ARMH3: variants seen among roughly 807,000 people sequenced by gnomAD.
ARMH3 encodes the protein armadillo like helical domain containing 3.
Under a neutral mutation model 99.1 loss-of-function variants are expected in ARMH3, and 60 were observed. That is an observed-to-expected ratio of 0.61 (90% CI 0.49 to 0.75). ARMH3 has a LOEUF of 0.75. ARMH3 is among the 30% of genes least tolerant of loss of function. The pLI is 0.00. For synonymous variants in ARMH3, 285 were observed against 292.8 expected (o/e 0.97, Z 0.27); for missense variants, 679 against 843.1 (o/e 0.81, Z 2.41).
intron 20 of ARMH3, among the ~76,000 whole-genome samples, chr10:101,962,420 CTCTA>C (rs1224681142): frequency 2.0e-5 from 3 of 150,716 alleles, no homozygotes; most frequent in Non-Finnish European, 3.0e-5. Flanking sequence ...TTTTTTTACC[CTCTA>C]TCTGATACCT....
intron 23 of ARMH3, among the ~76,000 whole-genome samples, chr10:101,908,717 G>A (rs1340122895): frequency 6.7e-6 from 1 of 148,446 alleles, no homozygotes; most frequent in African/African-American, 2.5e-5. Context: ...AGGCTGGAGT[G>A]CAATGGCGCA....
chr10:101,994,561 G>A (rs1029860007), intron 16 of ARMH3, among the ~76,000 whole-genome samples: 2 of 152,170 alleles, frequency 1.3e-5, no homozygotes, highest in African/African-American at 4.8e-5. Context: ...TACATGGTGA[G>A]TTTGAACCTA....
At position 101,939,863 on chromosome 10, in the gene ARMH3, C is replaced by T. The variant is rs529046019; in HGVS notation, c.1781G>A (p.Arg594Lys). The T allele has an allele frequency of 6.2e-7, 1 of 1,613,064 alleles. No homozygotes were observed. Among genetic ancestry groups the T allele is most frequent in the East Asian group, 2.2e-5 (1 of 44,876 alleles). ...SKVTHALVNI[R>K]AIINHFNPKI... Reference sequence around the variant, plus strand: ...GCAAGAGATACTTCTCATTCCTTACCTGATATTAACCAATGCATGGGTCAC... The same window carrying T: ...GCAAGAGATACTTCTCATTCCTTACTTGATATTAACCAATGCATGGGTCAC... Residue 594 changes from arginine (R) to lysine (K), a missense_variant and splice_region_variant, in exon 23 of 26, where the codon AGA becomes AAA. Around this residue, in one of 3 missense-constraint regions of ARMH3, gnomAD observed 389 missense variants for 456.5 expected, o/e 0.85. Coordinates refer to ENST00000370033, the MANE Select transcript of ARMH3 (RefSeq NM_024541.3).
At position 101,910,558 on chromosome 10, in the gene ARMH3, C is replaced by T. The variant is rs551704363; in HGVS notation, c.1782-21068G>A. On this transcript the variant is annotated intron_variant, in intron 23 of 25. Transcript: ENST00000370033. The stretch of plus-strand genomic sequence containing the variant: ...CAGCCTGGCCAACATGGCAAAACAT[C>T]GTCTCTACTAAAAACCCAAAAATTA... 9.2e-5 allele frequency among the ~76,000 whole-genome samples: 14 copies of T among 151,688 alleles called. No homozygotes were observed. The East Asian group carries it at 2.3e-3, about 25-fold the overall frequency.
At chr10:101,944,022 C>T (rs2135733937) in intron 22 of ARMH3, among the ~76,000 whole-genome samples, 1 of 148,132 alleles carries the variant, frequency 6.8e-6, no homozygotes, top group Admixed American at 6.7e-5. Context: ...CGAGATCCTG[C>T]CACTGCACTC....
At chr10:101,927,374 G>C (rs1843551008) in intron 23 of ARMH3, among the ~76,000 whole-genome samples, 1 of 152,102 alleles carries the variant, frequency 6.6e-6, no homozygotes, top group Admixed American at 6.6e-5. Flanking sequence ...TGCCATCAGG[G>C]GGCCATTTAC....
intron 1 of ARMH3, among the ~76,000 whole-genome samples, chr10:102,053,721 A>G (rs943852227): frequency 6.7e-5 from 10 of 148,152 alleles, no homozygotes; most frequent in African/African-American, 2.0e-4. Context: ...GTGCAGTGGC[A>G]CCATCCCGGC....
Position 101,845,983 on chromosome 10 carries a change from A to G in ARMH3, c.*1545T>C, listed in dbSNP as rs2066459726. ...GCTCCCGCCATCCTGAGGGCTTTAG[A>G]AAGTGCTTTAAAAAGGGAGGATCTC... On this transcript the variant is annotated 3_prime_UTR_variant, in exon 26 of 26. Transcript: ENST00000370033. 1 of 152,240 alleles carries G rather than the reference A, an allele frequency of 6.6e-6. No homozygotes were observed. The highest frequency in any genetic ancestry group is 1.5e-5 in the Non-Finnish European group (1 of 68,068). 9.4% of individuals were successfully genotyped at this position (152,240 alleles called of 1,614,324 possible).
At chr10:101,955,050 C>T (rs1423086003) in intron 22 of ARMH3, among the ~76,000 whole-genome samples, 1 of 152,142 alleles carries the variant, frequency 6.6e-6, no homozygotes, top group East Asian at 1.9e-4. Flanking sequence ...CTGCTCTTTA[C>T]CCTTGGAAAA....
chr10:102,012,750 T>A, intron 10 of ARMH3, 83 bp downstream of exon 10: 2 of 1,358,034 alleles, frequency 1.5e-6, no homozygotes. Flanking sequence ...GTAAGGGAAT[T>A]TGACCCAAGA....
At chr10:102,012,606 T>C (rs913799515) in intron 10 of ARMH3, among the ~76,000 whole-genome samples, 1 of 152,188 alleles carries the variant, frequency 6.6e-6, no homozygotes, top group African/African-American at 2.4e-5. Flanking sequence ...GGAATGTGCC[T>C]AACTGCCTAA....
At chr10:101,961,975 T>C (rs561640775) in intron 20 of ARMH3, among the ~76,000 whole-genome samples, 12 of 152,318 alleles carry the variant, frequency 7.9e-5, no homozygotes, top group South Asian at 2.1e-4. Context: ...ATGTTTCTCA[T>C]TGTTAAATAA....
chr10:101,922,536 T>G (rs181629162), intron 23 of ARMH3, among the ~76,000 whole-genome samples: 258 of 152,280 alleles, frequency 1.7e-3, no homozygotes, highest in African/African-American at 5.8e-3. Context: ...ACAAGTGTAA[T>G]ACAGCCACCG....
chr10:101,875,762 C>T (rs893970621), intron 24 of ARMH3, among the ~76,000 whole-genome samples: 2 of 152,204 alleles, frequency 1.3e-5, no homozygotes, highest in South Asian at 2.1e-4. Context: ...GGTGACATGA[C>T]TTTAATTTCC....
intron 23 of ARMH3, among the ~76,000 whole-genome samples, chr10:101,934,063 G>A (rs1210868492): frequency 2.6e-5 from 4 of 152,168 alleles, no homozygotes; most frequent in African/African-American, 7.2e-5. Flanking sequence ...CTTTGCTATC[G>A]ACAGTGATTA....
intron 24 of ARMH3, among the ~76,000 whole-genome samples, chr10:101,884,014 C>A (rs901688493): frequency 2.0e-5 from 3 of 150,156 alleles, no homozygotes; most frequent in Admixed American, 6.7e-5. Flanking sequence ...ACACACACAC[C>A]CGCCAAGCAA....
At chr10:102,037,817 G>A (rs2067312293) in intron 2 of ARMH3, among the ~76,000 whole-genome samples, 1 of 151,888 alleles carries the variant, frequency 6.6e-6, no homozygotes, top group African/African-American at 2.4e-5. Flanking sequence ...TCAAACTTCT[G>A]GCCGCAAGCA....
intron 5 of ARMH3, 71 bp downstream of exon 5, chr10:102,029,567 T>C: frequency 6.2e-7 from 1 of 1,614,100 alleles, no homozygotes. Flanking sequence ...AGTACATTTG[T>C]CTGCTGATAG....
In ARMH3 at chr10:101,901,382, C is replaced by T. The variant is rs367702481; in HGVS notation, c.1782-11892G>A. On this transcript the variant is annotated intron_variant, in intron 23 of 25. Transcript: ENST00000370033. The stretch of plus-strand genomic sequence containing the variant: ...ACCTTTTAGAACTCCTCAGGAAAGG[C>T]AATCAGCAAGTCTGCCAAAGTAATT... Among the ~76,000 whole-genome samples the T allele has an allele frequency of 3.3e-5, 5 of 152,038 alleles. No homozygotes were observed. In the East Asian group the frequency reaches 9.6e-4, roughly 29 times the overall value.
Sources: allele counts gnomAD v4.1 joint callset (sites outside exome capture counted in the v4.1 genomes callset), GRCh38; gene constraint gnomAD v4.1.1; regional missense constraint gnomAD v4.1.1; transcripts MANE v1.5; gene names NCBI Gene and HGNC (gene_info 2026-07-23, HGNC 2026-07-21).